The following ELL variants were observed in gnomAD, a reference collection of about 807,000 sequenced individuals.
ELL encodes elongation factor for RNA polymerase II.
In ELL, 18 loss-of-function variants were observed where a neutral mutation model predicts 64.0. The ratio of observed to expected loss-of-function variants is 0.28; its 90% CI spans 0.19 to 0.42. The LOEUF (loss-of-function observed/expected upper bound fraction) is 0.42. ELL is among the 10% of genes least tolerant of loss of function. ELL has a pLI of 1.00. For synonymous variants in ELL, 399 were observed against 376.2 expected, an observed-to-expected ratio of 1.06 and a Z score of -0.70; for missense variants, 797 against 870.4, an observed-to-expected ratio of 0.92 and a Z score of 1.06.
At chr19:18,492,794 C>T (rs1447619149) in intron 1 of ELL, among the ~76,000 whole-genome samples, 1 of 152,184 alleles carries the variant, frequency 6.6e-6, no homozygotes, top group Non-Finnish European at 1.5e-5. Flanking sequence ...CCAGGCCCAG[C>T]TCCACTGCCC....
intron 2 of ELL, chr19:18,472,569 G>T: frequency 2.1e-6 from 1 of 467,708 alleles, no homozygotes; most frequent in East Asian, 3.4e-5. Flanking sequence ...TATCAGAGTG[G>T]AAGCTAGGTG....
chr19:18,463,055 G>A (rs757516212), intron 4 of ELL, among the ~76,000 whole-genome samples: 10 of 152,200 alleles, frequency 6.6e-5, no homozygotes, highest in East Asian at 3.8e-4. Context: ...AGGGTCGGCC[G>A]AGCAAGCTCA....
chr19:18,484,395 G>C (rs890011238), intron 1 of ELL, among the ~76,000 whole-genome samples: 1 of 152,166 alleles, frequency 6.6e-6, no homozygotes, highest in African/African-American at 2.4e-5. Flanking sequence ...AACCTGGGAG[G>C]GGGAGGTTGC....
chr19:18,512,877 T>C (rs1976055493), intron 1 of ELL, among the ~76,000 whole-genome samples: 1 of 152,138 alleles, frequency 6.6e-6, no homozygotes. Flanking sequence ...TGATCCCCAA[T>C]ATGCAGTTCT....
intron 6 of ELL, among the ~76,000 whole-genome samples, chr19:18,452,196 G>A (rs560689379): frequency 5.9e-5 from 9 of 151,886 alleles, no homozygotes; most frequent in African/African-American, 1.7e-4. Flanking sequence ...CCCCACCCCC[G>A]CCAGCAACCC....
At chr19:18,468,781 C>T (rs1975003991) in intron 2 of ELL, among the ~76,000 whole-genome samples, 1 of 152,268 alleles carries the variant, frequency 6.6e-6, no homozygotes, top group East Asian at 1.9e-4. Flanking sequence ...ACCCCAGCTC[C>T]ACCCAGGTTG....
At chr19:18,503,453 T>A (rs1366775374) in intron 1 of ELL, among the ~76,000 whole-genome samples, 1 of 152,142 alleles carries the variant, frequency 6.6e-6, no homozygotes, top group Non-Finnish European at 1.5e-5. Flanking sequence ...GTACTGGGAA[T>A]CCCAGGCAGG....
chr19:18,473,655 TG>T lies in ELL; in HGVS notation c.136-774del, dbSNP rs572563479. ...CAGAGACCAGCCTTCTGGCAGTATCTGAGAAAGAACTGCGAGCCAGAGGAGG... is the reference window on the plus strand; with the variant it reads ...CAGAGACCAGCCTTCTGGCAGTATCTAGAAAGAACTGCGAGCCAGAGGAGG... On this transcript the variant is annotated intron_variant, in intron 1 of 11. Coordinates refer to ENST00000262809, the MANE Select transcript of ELL (RefSeq NM_006532.4). 2.4e-3 allele frequency among the ~76,000 whole-genome samples: 372 copies of T among 152,324 alleles called. 4 individuals are homozygous for T. Among genetic ancestry groups the T allele is most frequent in the Non-Finnish European group, 3.2e-3 (217 of 68,024 alleles).
intron 1 of ELL, among the ~76,000 whole-genome samples, chr19:18,502,524 G>C (rs1273940183): frequency 6.6e-6 from 1 of 152,202 alleles, no homozygotes; most frequent in African/African-American, 2.4e-5. Flanking sequence ...AGCCGCATCA[G>C]GAGCAGACGT....
At chr19:18,451,685 G>A in intron 6 of ELL, 37 bp from the exon 7 acceptor site, 2 of 1,460,870 alleles carry the variant, frequency 1.4e-6, no homozygotes, top group Non-Finnish European at 1.8e-6. Context: ...AGAAGGTGCT[G>A]AGGGGGCCTA....
In ELL at chr19:18,517,953, G is replaced by T. The variant is rs548563457; in HGVS notation, c.135+3968C>A. Among the ~76,000 whole-genome samples, 4 of 151,908 alleles carry T rather than the reference G, an allele frequency of 2.6e-5. No homozygotes were observed. In the Middle Eastern group the frequency reaches 0.014, roughly 520 times the overall value. On this transcript the variant is annotated intron_variant, in intron 1 of 11. Coordinates refer to ENST00000262809, the MANE Select transcript of ELL (RefSeq NM_006532.4). ...GAGAAAAACTAGGCCAGGCACGAAG[G>T]CTCACTCCTATAATCCCAGCACTTT...
chr19:18,501,501 C>CT lies in ELL; in HGVS notation c.135+20419dup, dbSNP rs1386085557. The stretch of plus-strand genomic sequence containing the variant: ...GCAGCTCTTCCAGGCCAGCCGGGGC[C>CT]TTGGAGTGAGGGGCCACTGGCAGAA... On this transcript the variant is annotated intron_variant, in intron 1 of 11. Transcript: ENST00000262809. This position sits in a 1 kb window ranked among gnomAD's most constrained non-coding sequence, Gnocchi z 4.5. Among the ~76,000 whole-genome samples the CT allele has an allele frequency of 5.9e-5, 9 of 152,186 alleles. No individual in the cohort carries two copies. The highest frequency in any genetic ancestry group is 9.7e-5 in the African/African-American group (4 of 41,440).
rs557342642 is a variant in ELL at position 18,475,623 on chromosome 19, A to G, written c.136-2741T>C. On this transcript the variant is annotated intron_variant, in intron 1 of 11. Coordinates refer to ENST00000262809, the MANE Select transcript of ELL (RefSeq NM_006532.4). ...TCAACTGGTGGAGAGAGAATCAAAC[A>G]ATGGAATACAGAGGACCATGCCAAG... Among the ~76,000 whole-genome samples the G allele has an allele frequency of 1.2e-4, 19 of 152,334 alleles. No individual in the cohort carries two copies. In the South Asian group the frequency reaches 2.9e-3, roughly 23 times the overall value.
Position 18,445,209 on chromosome 19 carries a change from A to C in ELL, c.1749+15T>G. On this transcript the variant is annotated intron_variant, in intron 11 of 11. Coordinates refer to ENST00000262809, the MANE Select transcript of ELL (RefSeq NM_006532.4). ...TGGCTCACTTGGAGCCCACCCCAAC[A>C]CAAGAGACACTCACCTTTTTGATTT... is the stretch of plus-strand genomic sequence containing the variant. The C allele has an allele frequency of 6.2e-7, 1 of 1,614,074 alleles. No individual in the cohort carries two copies. Among genetic ancestry groups the C allele is most frequent in the Non-Finnish European group, 8.5e-7 (1 of 1,180,006 alleles).
rs574459089 is a variant in ELL, at chr19:18,491,710, T to C, written c.136-18828A>G. Among the ~76,000 whole-genome samples the C allele has an allele frequency of 3.9e-4, 59 of 151,428 alleles. 1 individual carries two copies. The South Asian group carries it at 9.4e-3, about 24-fold the overall frequency. On this transcript the variant is annotated intron_variant, in intron 1 of 11. Coordinates refer to ENST00000262809, the MANE Select transcript of ELL (RefSeq NM_006532.4). ...CAGGAGGATCGTTTGAGCCCAGGAGTTGGAGACCAGCCTGGGCAACATAGT... is the reference window on the plus strand; with the variant it reads ...CAGGAGGATCGTTTGAGCCCAGGAGCTGGAGACCAGCCTGGGCAACATAGT...
intron 4 of ELL, among the ~76,000 whole-genome samples, chr19:18,462,196 GTGTGTGTGTGTGTGTGTGTGTGTGTA>G (rs898699224): frequency 2.1e-4 from 25 of 118,904 alleles, no homozygotes; most frequent in African/African-American, 9.6e-4. Context: ...GTGTGTGTGT[GTGTGTGTGTGTGTGTGTGTGTGTGTA>G]TGTAATCACC....
At chr19:18,472,605 T>TG (rs1268100471) in intron 2 of ELL, 14 of 537,912 alleles carry the variant, frequency 2.6e-5, no homozygotes, top group Non-Finnish European at 4.5e-5. Context: ...AGGGAGCCAC[T>TG]GGGAGAGGAG....
chr19:18,485,089 G>T (rs190510668), intron 1 of ELL, among the ~76,000 whole-genome samples: 49 of 152,318 alleles, frequency 3.2e-4, no homozygotes, highest in African/African-American at 1.1e-3. Flanking sequence ...TCAGAGCCCA[G>T]GCCAGGCCTC....
rs2144892802 is a variant in ELL at position 18,450,607 on chromosome 19, G to A, written c.1335C>T (p.Arg445=). ...TCTTGGACTTCTTCTTGGGCTTGCT[G>A]CGCGAGGGGCTGCCGTGTGGCCTGC... ...QPSRPHGSPS[R]SKPKKKSKKH... The change falls in exon 8 of 12, where the codon CGC becomes CGT. Residue 445 remains arginine (R), a synonymous_variant. Coordinates refer to ENST00000262809, the MANE Select transcript of ELL (RefSeq NM_006532.4). The A allele has an allele frequency of 6.2e-7, 1 of 1,611,584 alleles. No individual in the cohort carries two copies. Among genetic ancestry groups the A allele is most frequent in the African/African-American group, 1.3e-5 (1 of 74,988 alleles).
Sources: allele counts gnomAD v4.1 joint callset (sites outside exome capture counted in the v4.1 genomes callset), GRCh38; gene constraint gnomAD v4.1.1; non-coding constraint Gnocchi (gnomAD v3.1); transcripts MANE v1.5; gene names NCBI Gene and HGNC (gene_info 2026-07-23, HGNC 2026-07-21).